The following ARHGAP32 variants were observed in gnomAD, a reference collection of about 807,000 sequenced individuals.
The protein encoded by ARHGAP32 is Rho GTPase activating protein 32, also known as rho GTPase-activating protein 32.
ARHGAP32 carries 51 observed loss-of-function variants against 186.5 expected under a neutral mutation model. The ratio of observed to expected loss-of-function variants is 0.27; its 90% CI spans 0.22 to 0.35. The LOEUF (loss-of-function observed/expected upper bound fraction) is 0.35, where lower values mean the gene tolerates loss of function less well. Ranked by LOEUF, ARHGAP32 falls within the 10% of genes least tolerant of loss-of-function variation. The pLI is 1.00. For missense variants in ARHGAP32, 2,186 were observed against 2,623.5 expected (o/e 0.83, Z 3.64); for synonymous variants, 950 against 964.3 (o/e 0.99, Z 0.27).
Position 129,022,513 on chromosome 11 carries a change from G to C in ARHGAP32, c.1045+18415C>G, listed in dbSNP as rs1400529760. ...TTCAGTCCCTAATCACTTTCCAGTT[G>C]CAAGATCTTGAGCAAATTACCTATT... is the stretch of plus-strand genomic sequence containing the variant. On this transcript the variant is annotated intron_variant, in intron 11 of 22. Coordinates refer to ENST00000682385, the MANE Select transcript of ARHGAP32 (RefSeq NM_001378024.1). Among the ~76,000 whole-genome samples the C allele has an allele frequency of 2.6e-5, 4 of 152,092 alleles. No homozygotes were observed. The East Asian group carries it at 7.7e-4, about 29-fold the overall frequency.
At chr11:129,182,352 T>C (rs1291274113) in intron 1 of ARHGAP32, among the ~76,000 whole-genome samples, 1 of 152,168 alleles carries the variant, frequency 6.6e-6, no homozygotes, top group Non-Finnish European at 1.5e-5. Context: ...GGACTTTTTC[T>C]TAACCATTTT....
At position 128,969,224 on chromosome 11, in the gene ARHGAP32, G is replaced by A. The variant is rs1185603877; in HGVS notation, c.5989C>T (p.Pro1997Ser). 1 of 1,614,082 alleles carries A rather than the reference G, an allele frequency of 6.2e-7. No homozygotes were observed. Among genetic ancestry groups the A allele is most frequent in the South Asian group, 1.1e-5 (1 of 91,056 alleles). ...AGTTTGAGGCTATGACTCCTCTCTGGTTTAGGGGGTGGGACGATTGACTGA... is the reference window on the plus strand; with the variant it reads ...AGTTTGAGGCTATGACTCCTCTCTGATTTAGGGGGTGGGACGATTGACTGA... ...LTQSIVPPPKPERSHSLKLHH... is the reference protein window; with the variant it reads ...LTQSIVPPPKSERSHSLKLHH... The change falls in exon 23 of 23, where the codon CCA (proline) becomes TCA (serine). Residue 1997 changes from proline (P) to serine (S), a missense_variant. By Grantham distance (74) the Pro-to-Ser change is moderately conservative. Coordinates refer to ENST00000682385, the MANE Select transcript of ARHGAP32 (RefSeq NM_001378024.1). This position sits in a 1 kb window ranked among gnomAD's most constrained non-coding sequence, Gnocchi z 4.8.
chr11:129,108,555 T>C (rs543954939), intron 5 of ARHGAP32, among the ~76,000 whole-genome samples: 2 of 152,174 alleles, frequency 1.3e-5, no homozygotes, highest in Non-Finnish European at 2.9e-5. Flanking sequence ...ATATGACCTT[T>C]CGATAATGTA....
chr11:129,204,748 C>A (rs975380208), intron 1 of ARHGAP32, among the ~76,000 whole-genome samples: 1 of 152,168 alleles, frequency 6.6e-6, no homozygotes, highest in African/African-American at 2.4e-5. Flanking sequence ...CAACTACTTA[C>A]AAAATTACAG....
chr11:129,103,594 C>G (rs2135309620), intron 5 of ARHGAP32, among the ~76,000 whole-genome samples: 1 of 151,868 alleles, frequency 6.6e-6, no homozygotes, highest in African/African-American at 2.4e-5. Context: ...CTAAACATAT[C>G]ATAATTATAA....
intron 1 of ARHGAP32, among the ~76,000 whole-genome samples, chr11:129,214,543 T>C (rs989709921): frequency 1.3e-5 from 2 of 152,118 alleles, no homozygotes; most frequent in African/African-American, 4.8e-5. Context: ...CACAGAGAGA[T>C]TGAGGGGATT....
At chr11:129,180,063 T>A (rs1158048225) in intron 1 of ARHGAP32, among the ~76,000 whole-genome samples, 1 of 152,118 alleles carries the variant, frequency 6.6e-6, no homozygotes, top group Non-Finnish European at 1.5e-5. Context: ...GATCACTGGT[T>A]TACATGGTCA....
intron 10 of ARHGAP32, among the ~76,000 whole-genome samples, chr11:129,060,576 T>C (rs1241383117): frequency 6.6e-6 from 1 of 152,184 alleles, no homozygotes; most frequent in Admixed American, 6.5e-5. Flanking sequence ...TTTAGTTTTA[T>C]ATTTAATCAA....
chr11:129,103,051 A>G (rs1941945593), intron 5 of ARHGAP32, among the ~76,000 whole-genome samples: 1 of 152,198 alleles, frequency 6.6e-6, no homozygotes, highest in Non-Finnish European at 1.5e-5. Context: ...GCAAAATGAA[A>G]TATTATTCAG....
chr11:129,062,533 G>A (rs1940542913), intron 9 of ARHGAP32, among the ~76,000 whole-genome samples, 176 bp from the exon 10 acceptor site: 1 of 152,128 alleles, frequency 6.6e-6, no homozygotes, highest in African/African-American at 2.4e-5. Flanking sequence ...CTTATGATTT[G>A]TTAAAGAGAG....
At chr11:129,247,279 T>A (rs954766627) in intron 1 of ARHGAP32, among the ~76,000 whole-genome samples, 2 of 152,236 alleles carry the variant, frequency 1.3e-5, no homozygotes, top group Non-Finnish European at 2.9e-5. Context: ...GTTTTGTTCA[T>A]CATTCAAAGC....
At chr11:128,996,643 T>C (rs1946208439) in intron 12 of ARHGAP32, among the ~76,000 whole-genome samples, 1 of 152,212 alleles carries the variant, frequency 6.6e-6, no homozygotes, top group Non-Finnish European at 1.5e-5. Flanking sequence ...GTATTATAAA[T>C]AGCTCTTCCA....
rs1474119218 is a variant in ARHGAP32, at chr11:129,277,914, TCA to T, written c.-5+1230_-5+1231del. Reference sequence around the variant, plus strand: ...AAGTCCAAGGAACAAATATCGATTCTCAGTTAGACTTCAATGTATCCAATAAG... The same window carrying T: ...AAGTCCAAGGAACAAATATCGATTCTGTTAGACTTCAATGTATCCAATAAG... On this transcript the variant is annotated intron_variant, in intron 1 of 6. Transcript: ENST00000525234. Among the ~76,000 whole-genome samples the T allele has an allele frequency of 2.6e-5, 4 of 152,354 alleles. No homozygotes were observed. In the East Asian group the frequency reaches 7.7e-4, roughly 29 times the overall value.
chr11:129,199,771 G>A (rs939527534), intron 1 of ARHGAP32, among the ~76,000 whole-genome samples: 13 of 152,190 alleles, frequency 8.5e-5, no homozygotes, highest in Non-Finnish European at 1.9e-4. Context: ...GTGAGAAGAG[G>A]ACCACCGTCC....
At chr11:129,180,341 T>G (rs996611929) in intron 1 of ARHGAP32, among the ~76,000 whole-genome samples, 1 of 152,150 alleles carries the variant, frequency 6.6e-6, no homozygotes, top group Admixed American at 6.5e-5. Flanking sequence ...ATAAGTTACC[T>G]TTGGGAGAAG....
chr11:129,063,154 A>G (rs753818321), intron 9 of ARHGAP32, among the ~76,000 whole-genome samples: 1 of 152,156 alleles, frequency 6.6e-6, no homozygotes, highest in Non-Finnish European at 1.5e-5. Context: ...TCTTTTGTAT[A>G]TTCACAACTG....
chr11:128,993,761 G>C (rs1946126149), intron 12 of ARHGAP32, among the ~76,000 whole-genome samples: 1 of 150,746 alleles, frequency 6.6e-6, no homozygotes, highest in African/African-American at 2.4e-5. Flanking sequence ...GTGTGATCAT[G>C]GCTCACTGTA....
At chr11:129,189,867 A>T (rs964315877) in intron 1 of ARHGAP32, among the ~76,000 whole-genome samples, 1 of 152,182 alleles carries the variant, frequency 6.6e-6, no homozygotes, top group Admixed American at 6.5e-5. Context: ...CCAGAAGCCT[A>T]CATTCTAGGT....
At chr11:129,152,585 C>G (rs144569508) in intron 2 of ARHGAP32, among the ~76,000 whole-genome samples, 24 of 152,070 alleles carry the variant, frequency 1.6e-4, no homozygotes, top group African/African-American at 5.8e-4. Context: ...TTGAACACAT[C>G]TAAATCAATA....
Sources: gnomAD v4.1 joint callset for allele counts (sites outside exome capture counted in the v4.1 genomes callset) on GRCh38, gnomAD v4.1.1 for gene constraint, Gnocchi (gnomAD v3.1) non-coding constraint, MANE v1.5 for transcripts, NCBI Gene and HGNC (gene_info 2026-07-23, HGNC 2026-07-21) for gene names.